MN1: variants seen among roughly 807,000 people sequenced by gnomAD.
MN1 encodes the protein transcriptional activator MN1.
Under a neutral mutation model 86.9 loss-of-function variants are expected in MN1, and 19 were observed. The ratio of observed to expected loss-of-function variants is 0.22; its 90% CI spans 0.15 to 0.32. The LOEUF is 0.32. Among genes scored for constraint, MN1 ranks in the 10% least tolerant of loss-of-function variants. MN1 has a pLI of 1.00. For synonymous variants in MN1, 928 were observed against 849.6 expected (o/e 1.09, Z -1.60); for missense variants, 1,841 against 1,862.0 (o/e 0.99, Z 0.21).
In MN1 at chr22:27,750,848, T is replaced by C; in HGVS notation, c.*67A>G. 1 of 1,364,402 alleles carries C rather than the reference T, an allele frequency of 7.3e-7. No individual in the cohort carries two copies. Among genetic ancestry groups the C allele is most frequent in the Non-Finnish European group, 9.9e-7 (1 of 1,008,274 alleles). The allele number at this position is 1,364,402 out of a possible 1,614,324, so 84.5% of individuals were successfully genotyped here. ...AAATTAACAGAGGGGTGGGGTAAGG[T>C]TGAGGGGGAAGGAAACAGACAGGGG... On this transcript the variant is annotated 3_prime_UTR_variant, in exon 2 of 2. Coordinates refer to ENST00000302326, the MANE Select transcript of MN1 (RefSeq NM_002430.3).
chr22:27,761,300 C>T (rs1302717875), intron 1 of MN1, among the ~76,000 whole-genome samples: 1 of 151,766 alleles, frequency 6.6e-6, no homozygotes, highest in Non-Finnish European at 1.5e-5. Context: ...CTCCCTCTCT[C>T]TTATTCTTCC....
chr22:27,758,285 C>T (rs1225940510), intron 1 of MN1, among the ~76,000 whole-genome samples: 2 of 152,188 alleles, frequency 1.3e-5, no homozygotes, highest in Non-Finnish European at 2.9e-5. Flanking sequence ...ACCTTTGCTG[C>T]TGCGGTTTTT....
chr22:27,751,037 G>A lies in MN1; in HGVS notation c.3841C>T (p.Leu1281=), dbSNP rs1414029898. The change falls in exon 2 of 2, where the codon CTG becomes TTG. Residue 1281 remains leucine, a synonymous_variant. Coordinates refer to ENST00000302326, the MANE Select transcript of MN1 (RefSeq NM_002430.3). ...ASQPGSHLQC[L]SVHCTDDVGD... is the part of the protein sequence containing the mutation. Reference sequence around the variant, plus strand: ...ACGTCGTCTGTGCAGTGGACAGACAGGCACTGCAAGTGGCTGCCAGGCTGG... The same window carrying A: ...ACGTCGTCTGTGCAGTGGACAGACAAGCACTGCAAGTGGCTGCCAGGCTGG... 4 of 1,605,184 alleles carry A rather than the reference G, an allele frequency of 2.5e-6. No homozygotes were observed. The highest frequency in any genetic ancestry group is 3.4e-6 in the Non-Finnish European group (4 of 1,174,122).
At position 27,798,209 on chromosome 22, in the gene MN1, CGCCACCAGAGCT is replaced by C. The variant is rs1430813726; in HGVS notation, c.2323_2334del (p.Ser775_Gly778del). ...GGCGGGTAGGCACCCCCGCCACCGC[CGCCACCAGAGCT>C]GCCACCGCCCCCTCCCGCGCTGGGG... On this transcript the variant is annotated inframe_deletion, in exon 1 of 2. Coordinates refer to ENST00000302326, the MANE Select transcript of MN1 (RefSeq NM_002430.3). 6.5e-7 allele frequency: 1 copy of C among 1,530,674 alleles called. No homozygotes were observed. The highest frequency in any genetic ancestry group is 2.3e-5 in the East Asian group (1 of 42,996). 94.8% of individuals were successfully genotyped at this position (1,530,674 alleles called of 1,614,324 possible).
At chr22:27,766,635 A>G (rs1932871949) in intron 1 of MN1, among the ~76,000 whole-genome samples, 1 of 152,176 alleles carries the variant, frequency 6.6e-6, no homozygotes, top group Non-Finnish European at 1.5e-5. Flanking sequence ...CTCTTCCTCC[A>G]AGGGCAGAAG....
At chr22:27,793,074 A>G (rs1933236506) in intron 1 of MN1, among the ~76,000 whole-genome samples, 1 of 152,196 alleles carries the variant, frequency 6.6e-6, no homozygotes, top group Admixed American at 6.5e-5. Context: ...TTGCTTGCAG[A>G]GTGTGTACCG....
intron 1 of MN1, among the ~76,000 whole-genome samples, chr22:27,770,753 G>T (rs929994791): frequency 1.3e-5 from 2 of 148,502 alleles, no homozygotes; most frequent in Non-Finnish European, 2.9e-5. Flanking sequence ...CAACCTCCCA[G>T]ACCCAAGCAA....
At position 27,800,812 on chromosome 22, in the gene MN1, C is replaced by A. The variant is rs570653577; in HGVS notation, c.-269G>T. 2 of 539,758 alleles carry A rather than the reference C, an allele frequency of 3.7e-6. No homozygotes were observed. The highest frequency in any genetic ancestry group is 2.3e-5 in the South Asian group (1 of 44,306). 33.4% of individuals were successfully genotyped at this position (539,758 alleles called of 1,614,324 possible). A position where few individuals can be genotyped will look rare whatever the true frequency, so the allele number is the denominator to read the frequency against. ...TAGGAGCCGTGTTGGGGGGCCCATG[C>A]CCCGGGCGGTTGTCACAGCCGCGGG... is the stretch of plus-strand genomic sequence containing the variant. On this transcript the variant is annotated 5_prime_UTR_variant, in exon 1 of 2. Coordinates refer to ENST00000302326, the MANE Select transcript of MN1 (RefSeq NM_002430.3).
chr22:27,795,454 G>A (rs1933277750), intron 1 of MN1, among the ~76,000 whole-genome samples: 1 of 152,064 alleles, frequency 6.6e-6, no homozygotes, highest in Admixed American at 6.5e-5. Context: ...AGGATGTGGG[G>A]AGGATGAGGG....
intron 1 of MN1, among the ~76,000 whole-genome samples, chr22:27,757,383 C>T (rs1161541571): frequency 3.3e-5 from 5 of 152,324 alleles, no homozygotes; most frequent in African/African-American, 9.6e-5. Context: ...AGAAGTGCCA[C>T]GTGCCAGCGT....
chr22:27,749,630 CA>C lies in MN1; in HGVS notation c.*1284del. ...CTAGTTTTGCAACAGGGTGAGATTC[CA>C]AAAAAATGTTGGGGAGGGGGCAGAG... On this transcript the variant is annotated 3_prime_UTR_variant, in exon 2 of 2. Coordinates refer to ENST00000302326, the MANE Select transcript of MN1 (RefSeq NM_002430.3). 4.3e-6 allele frequency: 1 copy of C among 231,544 alleles called. No individual in the cohort carries two copies. Among genetic ancestry groups the C allele is most frequent in the Non-Finnish European group, 8.5e-6 (1 of 117,086 alleles). 14.3% of individuals were successfully genotyped at this position (231,544 alleles called of 1,614,324 possible). A position where few individuals can be genotyped will look rare whatever the true frequency, so the allele number is the denominator to read the frequency against.
In MN1 at chr22:27,797,237, G is replaced by A. The variant is rs1568983595; in HGVS notation, c.3307C>T (p.Leu1103Phe). 3 of 1,569,126 alleles carry A rather than the reference G, an allele frequency of 1.9e-6. No individual in the cohort carries two copies. The highest frequency in any genetic ancestry group is 1.1e-5 in the South Asian group (1 of 88,046). ...EHGPKAPPPA[L>F]GLGIMSNSTS... is the part of the protein sequence containing the mutation. Reference sequence around the variant, plus strand: ...GAGTTAGACATGATGCCCAGGCCGAGGGCGGGCGGGGGCGCCTTCGGTCCG... The same window carrying A: ...GAGTTAGACATGATGCCCAGGCCGAAGGCGGGCGGGGGCGCCTTCGGTCCG... Residue 1103 changes from leucine to phenylalanine, a missense_variant, in exon 1 of 2, where the codon CTC (leucine) becomes TTC (phenylalanine). Coordinates refer to ENST00000302326, the MANE Select transcript of MN1 (RefSeq NM_002430.3).
chr22:27,793,696 G>C (rs891604845), intron 1 of MN1, among the ~76,000 whole-genome samples: 1 of 152,060 alleles, frequency 6.6e-6, no homozygotes, highest in Non-Finnish European at 1.5e-5. Context: ...TGTTGGCCTA[G>C]ACTTTGCGAG....
At chr22:27,789,574 C>A (rs142526997) in intron 1 of MN1, among the ~76,000 whole-genome samples, 1 of 152,168 alleles carries the variant, frequency 6.6e-6, no homozygotes, top group Admixed American at 6.5e-5. Flanking sequence ...AACACGAAAA[C>A]GTGATTTCCC....
Position 27,792,709 on chromosome 22 carries a change from G to A in MN1, c.3781+4054C>T, listed in dbSNP as rs576437583. On this transcript the variant is annotated intron_variant, in intron 1 of 1. Transcript: ENST00000302326. ...TACATTATCCCTTATTAACACCTGC[G>A]AAGTTTTGGGTTACATCTTCCGGAG... 1.2e-4 allele frequency among the ~76,000 whole-genome samples: 19 copies of A among 152,194 alleles called. No homozygotes were observed. The East Asian group carries it at 2.9e-3, about 23-fold the overall frequency.
At chr22:27,788,059 C>A (rs1933159729) in intron 1 of MN1, among the ~76,000 whole-genome samples, 1 of 152,220 alleles carries the variant, frequency 6.6e-6, no homozygotes, top group South Asian at 2.1e-4. Flanking sequence ...AATTCATACA[C>A]CCTCAGCCTA....
chr22:27,758,514 T>C (rs2146295127), intron 1 of MN1, among the ~76,000 whole-genome samples: 1 of 152,294 alleles, frequency 6.6e-6, no homozygotes, highest in Middle Eastern at 3.4e-3. Context: ...CATCTTGCTC[T>C]GGCAGAGGGG....
chr22:27,776,738 C>T (rs189147898), intron 1 of MN1, among the ~76,000 whole-genome samples: 54 of 152,284 alleles, frequency 3.5e-4, no homozygotes, highest in Admixed American at 8.5e-4. Context: ...CATGCCCCCC[C>T]TCACCCGCCC....
chr22:27,792,489 T>C (rs1288312074), intron 1 of MN1, among the ~76,000 whole-genome samples: 1 of 151,962 alleles, frequency 6.6e-6, no homozygotes, highest in African/African-American at 2.4e-5. Context: ...TGTCCTTTAT[T>C]AATATTTAGT....
Sources: allele counts gnomAD v4.1 joint callset (sites outside exome capture counted in the v4.1 genomes callset), GRCh38; gene constraint gnomAD v4.1.1; transcripts MANE v1.5; gene names NCBI Gene and HGNC (gene_info 2026-07-23, HGNC 2026-07-21).